The following CDH10 variants were observed in gnomAD, a reference collection of about 807,000 sequenced individuals.
CDH10 encodes the protein cadherin 10.
Under a neutral mutation model 73.1 loss-of-function variants are expected in CDH10, and 30 were observed. That is an observed-to-expected ratio of 0.41 (90% CI 0.31 to 0.56). CDH10 has a LOEUF of 0.56. Among genes scored for constraint, CDH10 ranks in the 20% least tolerant of loss-of-function variants. CDH10 has a pLI of 0.27. For synonymous variants in CDH10, 345 were observed against 348.2 expected, an observed-to-expected ratio of 0.99 and a Z score of 0.10; for missense variants, 815 against 973.7, an observed-to-expected ratio of 0.84 and a Z score of 2.17.
chr5:24,584,445 C>CTTTTTTTTTTT (rs34192671), intron 2 of CDH10, among the ~76,000 whole-genome samples: 8 of 28,084 alleles, frequency 2.8e-4, no homozygotes, highest in African/African-American at 5.3e-4. Context: ...CTTTCTTTTC[C>CTTTTTTTTTTT]TTTTTTTTTT....
At chr5:24,606,615 A>G (rs1351338062) in intron 1 of CDH10, among the ~76,000 whole-genome samples, 1 of 152,156 alleles carries the variant, frequency 6.6e-6, no homozygotes, top group Non-Finnish European at 1.5e-5. Context: ...TGTCTCCAAA[A>G]ACAAAGAACA....
Position 24,535,180 on chromosome 5 carries a change from A to G in CDH10, c.746T>C (p.Leu249Ser), listed in dbSNP as rs774016877. Residue 249 changes from leucine to serine, a missense_variant, in exon 5 of 12, where the codon TTA becomes TCA. Coordinates refer to ENST00000264463, the MANE Select transcript of CDH10 (RefSeq NM_006727.5). ...GATGTTCACAGTGGTTGTCCCCGAT[A>G]AGCCTCCCATCTGGCCGCCCATGTC... Reference protein sequence around the residue: ...AKDMGGQMGGLSGTTTVNITL... With the variant: ...AKDMGGQMGGSSGTTTVNITL... 6.2e-7 allele frequency: 1 copy of G among 1,613,444 alleles called. No homozygotes were observed. Among genetic ancestry groups the G allele is most frequent in the Non-Finnish European group, 8.5e-7 (1 of 1,179,678 alleles).
intron 9 of CDH10, among the ~76,000 whole-genome samples, chr5:24,493,660 C>T (rs536063054): frequency 6.6e-6 from 1 of 151,794 alleles, no homozygotes; most frequent in East Asian, 1.9e-4. Flanking sequence ...GGTTTTTTTG[C>T]ACCTATCTTC....
At chr5:24,516,499 T>C (rs1743113999) in intron 5 of CDH10, among the ~76,000 whole-genome samples, 1 of 152,144 alleles carries the variant, frequency 6.6e-6, no homozygotes, top group African/African-American at 2.4e-5. Context: ...CAGTTCCACA[T>C]TTATTATTTG....
At chr5:24,489,680 G>A (rs1224112451) in intron 11 of CDH10, among the ~76,000 whole-genome samples, 3 of 151,852 alleles carry the variant, frequency 2.0e-5, no homozygotes. Flanking sequence ...ACAAAAAATA[G>A]GTTTAAACTA....
chr5:24,491,516 T>G, intron 11 of CDH10, 60 bp downstream of exon 11: 1 of 1,474,864 alleles, frequency 6.8e-7, no homozygotes, highest in East Asian at 2.3e-5. Flanking sequence ...ATAGCCACAA[T>G]TCTTCAAAAT....
At chr5:24,620,392 G>A (rs1252539552) in intron 1 of CDH10, among the ~76,000 whole-genome samples, 2 of 151,960 alleles carry the variant, frequency 1.3e-5, no homozygotes, top group Non-Finnish European at 2.9e-5. Flanking sequence ...TTATTAAAAA[G>A]CAGTTATTCA....
Position 24,487,933 on chromosome 5 carries a change from C to A in CDH10, c.2097G>T (p.Arg699=), listed in dbSNP as rs1741902706. The A allele has an allele frequency of 6.2e-7, 1 of 1,613,864 alleles. No homozygotes were observed. Among genetic ancestry groups the A allele is most frequent in the Non-Finnish European group, 8.5e-7 (1 of 1,179,944 alleles). ...DIIPETLFIP[R]RTPTAPDNTD... ...TGTTATCTGGAGCTGTAGGAGTCCT[C>A]CGAGGAATAAATAACGTTTCTGGAA... The change falls in exon 12 of 12, where the codon CGG becomes CGT. Residue 699 remains arginine (R), a synonymous_variant. Transcript: ENST00000264463.
intron 1 of CDH10, among the ~76,000 whole-genome samples, chr5:24,603,600 C>T (rs1379727399): frequency 6.6e-6 from 1 of 151,920 alleles, no homozygotes; most frequent in Non-Finnish European, 1.5e-5. Flanking sequence ...GAAGAAAAAA[C>T]ATTAGACAAA....
chr5:24,625,106 T>C (rs888347881), intron 1 of CDH10, among the ~76,000 whole-genome samples: 3 of 152,104 alleles, frequency 2.0e-5, no homozygotes, highest in Admixed American at 6.5e-5. Flanking sequence ...CCATACTACT[T>C]TATTTATTAG....
intron 8 of CDH10, among the ~76,000 whole-genome samples, chr5:24,499,780 C>T (rs893206561): frequency 2.0e-5 from 3 of 151,890 alleles, no homozygotes; most frequent in African/African-American, 7.3e-5. Flanking sequence ...CTTTGAGTAA[C>T]AACCCTGTAT....
chr5:24,641,992 G>A (rs930597642), intron 1 of CDH10, among the ~76,000 whole-genome samples: 1 of 152,022 alleles, frequency 6.6e-6, no homozygotes, highest in African/African-American at 2.4e-5. Flanking sequence ...TACTTCTAAT[G>A]TGACAGCAGT....
intron 2 of CDH10, among the ~76,000 whole-genome samples, chr5:24,587,645 T>A (rs558099147): frequency 6.6e-6 from 1 of 152,172 alleles, no homozygotes; most frequent in African/African-American, 2.4e-5. Context: ...TAAAAATCAC[T>A]GACTCCATTT....
At chr5:24,518,080 C>T (rs762100263) in intron 5 of CDH10, among the ~76,000 whole-genome samples, 4 of 152,120 alleles carry the variant, frequency 2.6e-5, no homozygotes, top group Non-Finnish European at 5.9e-5. Flanking sequence ...TGAAGGATCA[C>T]AAAACAGTCT....
At chr5:24,493,370 A>G (rs1312959254) in intron 9 of CDH10, among the ~76,000 whole-genome samples, 1 of 151,956 alleles carries the variant, frequency 6.6e-6, no homozygotes, top group East Asian at 1.9e-4. Context: ...ACTTTTTAAC[A>G]GAGTCTTAAA....
chr5:24,579,157 T>C (rs902682173), intron 2 of CDH10, among the ~76,000 whole-genome samples: 7 of 151,856 alleles, frequency 4.6e-5, no homozygotes, highest in African/African-American at 1.4e-4. Context: ...ACACTATGAT[T>C]AAAAGGCAAT....
intron 1 of CDH10, among the ~76,000 whole-genome samples, chr5:24,625,719 C>T (rs1056076367): frequency 1.3e-5 from 2 of 150,950 alleles, no homozygotes; most frequent in Admixed American, 1.3e-4. Context: ...GATTTTGGTA[C>T]ATGGTTTTAG....
In CDH10 at chr5:24,487,952, T is replaced by G. The variant is rs1741903947; in HGVS notation, c.2078A>C (p.Glu693Ala). The G allele has an allele frequency of 6.2e-7, 1 of 1,613,912 alleles. No homozygotes were observed. Among genetic ancestry groups the G allele is most frequent in the Non-Finnish European group, 8.5e-7 (1 of 1,179,980 alleles). Reference protein sequence around the residue: ...EKKLRRDIIPETLFIPRRTPT... With the variant: ...EKKLRRDIIPATLFIPRRTPT... ...AGTCCTCCGAGGAATAAATAACGTT[T>G]CTGGAATAATATCTCGCCGGAGCTT... Residue 693 changes from glutamate (E) to alanine (A), a missense_variant, in exon 12 of 12, where the codon GAA (glutamate) becomes GCA (alanine). Transcript: ENST00000264463.
At chr5:24,509,965 T>C (rs1029260818) in intron 6 of CDH10, 146 bp from the exon 7 acceptor site, 7 of 576,852 alleles carry the variant, frequency 1.2e-5, no homozygotes, top group Non-Finnish European at 2.1e-5. Flanking sequence ...ACAAATAATA[T>C]AATCTTCATG....
Sources: gnomAD v4.1 joint callset for allele counts (sites outside exome capture counted in the v4.1 genomes callset) on GRCh38, gnomAD v4.1.1 for gene constraint, MANE v1.5 for transcripts, NCBI Gene and HGNC (gene_info 2026-07-23, HGNC 2026-07-21) for gene names.